The following NELL2 variants were observed in gnomAD, a reference collection of about 807,000 sequenced individuals.
The protein encoded by NELL2 is protein kinase C-binding protein NELL2.
NELL2 carries 41 observed loss-of-function variants against 109.6 expected under a neutral mutation model. The observed-to-expected ratio is 0.37, with a 90% confidence interval of 0.29 to 0.49. NELL2 has a LOEUF of 0.49. Among genes scored for constraint, NELL2 ranks in the 20% least tolerant of loss-of-function variants. The pLI is 0.98. For missense variants in NELL2, 900 were observed against 1,008.3 expected (o/e 0.89, Z 1.45); for synonymous variants, 355 against 344.7 (o/e 1.03, Z -0.33).
At chr12:44,877,380 A>G (rs1945357508), upstream of NELL2, among the ~76,000 whole-genome samples, 1 of 152,238 alleles carries the variant, frequency 6.6e-6, no homozygotes. Context: ...ACATAGCCCT[A>G]AAATTTTTAG....
At chr12:44,833,576 G>A (rs548979505) in intron 2 of NELL2, among the ~76,000 whole-genome samples, 3 of 152,268 alleles carry the variant, frequency 2.0e-5, no homozygotes, top group Non-Finnish European at 2.9e-5. Context: ...ACAGAGAGAA[G>A]GGTTCAATAA....
intron 15 of NELL2, among the ~76,000 whole-genome samples, chr12:44,578,167 C>T (rs1323187018): frequency 1.3e-5 from 2 of 148,464 alleles, no homozygotes; most frequent in East Asian, 2.1e-4. Context: ...CTTAATCCCT[C>T]TACTTCTGTG....
At chr12:44,547,797 C>T (rs572538027) in intron 15 of NELL2, among the ~76,000 whole-genome samples, 2 of 152,288 alleles carry the variant, frequency 1.3e-5, no homozygotes, top group African/African-American at 4.8e-5. Context: ...ATGAACTGGA[C>T]TCTTCTGCCT....
intron 1 of NELL2, among the ~76,000 whole-genome samples, chr12:44,894,354 C>T (rs1945569450): frequency 6.6e-6 from 1 of 152,124 alleles, no homozygotes; most frequent in South Asian, 2.1e-4. Flanking sequence ...AAACCTGTCT[C>T]ACCTAAGCAA....
At position 44,518,943 on chromosome 12, in the gene NELL2, A is replaced by G. The variant is rs1420880129; in HGVS notation, c.2400+1062T>C. On this transcript the variant is annotated intron_variant, in intron 19 of 19. Transcript: ENST00000429094. ...ATGTTCACTCAAAAAGCTTTGCTTGATTGACAAATTGCATTGATTGAAAGA... is the reference window on the plus strand; with the variant it reads ...ATGTTCACTCAAAAAGCTTTGCTTGGTTGACAAATTGCATTGATTGAAAGA... Among the ~76,000 whole-genome samples the G allele has an allele frequency of 2.0e-5, 3 of 152,356 alleles. No individual in the cohort carries two copies. In the East Asian group the frequency reaches 5.8e-4, roughly 29 times the overall value.
At chr12:44,540,361 C>T (rs1363234399) in intron 15 of NELL2, among the ~76,000 whole-genome samples, 3 of 151,832 alleles carry the variant, frequency 2.0e-5, no homozygotes, top group Non-Finnish European at 4.4e-5. Context: ...AGAGATAGAA[C>T]AAAAGGAGCC....
At chr12:44,847,913 T>C (rs1267062632) in intron 2 of NELL2, among the ~76,000 whole-genome samples, 2 of 150,780 alleles carry the variant, frequency 1.3e-5, no homozygotes, top group Non-Finnish European at 2.9e-5. Flanking sequence ...ATGCCTGTCA[T>C]CCCAAGTACT....
chr12:44,653,761 G>A (rs1343539112), intron 13 of NELL2, among the ~76,000 whole-genome samples: 2 of 151,536 alleles, frequency 1.3e-5, no homozygotes, highest in Non-Finnish European at 1.5e-5. Flanking sequence ...CAATTTTTTG[G>A]CAAAAAAGAA....
chr12:44,644,588 A>ATATATATATGTATGTATG (rs1566077059), intron 13 of NELL2, among the ~76,000 whole-genome samples: 9 of 98,400 alleles, frequency 9.1e-5, no homozygotes, highest in African/African-American at 3.8e-4. Context: ...AAGTATATAT[A>ATATATATATGTATGTATG]TATATATATA....
chr12:44,919,752 C>T (rs1367490551), intron 1 of NELL2, among the ~76,000 whole-genome samples: 1 of 152,184 alleles, frequency 6.6e-6, no homozygotes, highest in African/African-American at 2.4e-5. Flanking sequence ...TCTGCCAGCA[C>T]CTTAATCTCA....
chr12:44,568,058 GA>G (rs1268180284), intron 15 of NELL2, among the ~76,000 whole-genome samples: 1 of 151,908 alleles, frequency 6.6e-6, no homozygotes, highest in Non-Finnish European at 1.5e-5. Flanking sequence ...AAGTAAAACA[GA>G]AAAATATGTT....
intron 15 of NELL2, among the ~76,000 whole-genome samples, chr12:44,593,377 T>A (rs1944830808): frequency 6.6e-6 from 1 of 150,666 alleles, no homozygotes; most frequent in Non-Finnish European, 1.5e-5. Context: ...GGGAGAGGAG[T>A]AACAGTAAAA....
intron 15 of NELL2, among the ~76,000 whole-genome samples, chr12:44,567,257 T>C (rs1943698009): frequency 6.6e-6 from 1 of 152,248 alleles, no homozygotes; most frequent in Admixed American, 6.5e-5. Flanking sequence ...TACTATTTCC[T>C]TTTAAAAATA....
chr12:44,673,965 C>T (rs946678777), intron 12 of NELL2, among the ~76,000 whole-genome samples: 4 of 151,680 alleles, frequency 2.6e-5, no homozygotes, highest in Admixed American at 6.6e-5. Context: ...ATTTACTCAA[C>T]GAGTATATAA....
chr12:44,617,776 A>G (rs1217013157), intron 13 of NELL2, among the ~76,000 whole-genome samples: 1 of 151,754 alleles, frequency 6.6e-6, no homozygotes, highest in Non-Finnish European at 1.5e-5. Flanking sequence ...AACAATAAGG[A>G]CACTTAAGAA....
intron 15 of NELL2, among the ~76,000 whole-genome samples, chr12:44,591,481 G>GGAC (rs1944745653): frequency 2.6e-5 from 1 of 37,776 alleles, no homozygotes; most frequent in East Asian, 0.031. Flanking sequence ...ACAGCAACAT[G>GGAC]GATGAGAACA....
chr12:44,778,270 T>A (rs1941826220), intron 5 of NELL2, among the ~76,000 whole-genome samples: 1 of 152,212 alleles, frequency 6.6e-6, no homozygotes, highest in South Asian at 2.1e-4. Flanking sequence ...ACATGTTTAA[T>A]CTGATTAATA....
chr12:44,749,814 A>G (rs992916611), intron 9 of NELL2, among the ~76,000 whole-genome samples: 5 of 152,132 alleles, frequency 3.3e-5, no homozygotes, highest in African/African-American at 1.2e-4. Flanking sequence ...TAACACCATA[A>G]AAAGAAACAG....
intron 15 of NELL2, among the ~76,000 whole-genome samples, chr12:44,543,091 A>C (rs866386737): frequency 1.3e-5 from 2 of 152,156 alleles, no homozygotes. Flanking sequence ...TATCTTATTT[A>C]CATTTTTATT....
Sources: allele counts gnomAD v4.1 joint callset (sites outside exome capture counted in the v4.1 genomes callset), GRCh38; gene constraint gnomAD v4.1.1; transcripts MANE v1.5; gene names NCBI Gene and HGNC (gene_info 2026-07-23, HGNC 2026-07-21).